The following CSMD2 variants were observed in gnomAD, a reference collection of about 807,000 sequenced individuals.
The protein encoded by CSMD2 is CUB and Sushi multiple domains 2, also known as CUB and sushi domain-containing protein 2.
In CSMD2, 130 loss-of-function variants were observed where a neutral mutation model predicts 398.5. The ratio of observed to expected loss-of-function variants is 0.33; its 90% CI spans 0.28 to 0.38. CSMD2 has a LOEUF of 0.38. Among genes scored for constraint, CSMD2 ranks in the 10% least tolerant of loss-of-function variants. The pLI is 1.00. For synonymous variants in CSMD2, 1,828 were observed against 1,908.5 expected (o/e 0.96, Z 1.10); for missense variants, 3,829 against 4,764.9 (o/e 0.80, Z 5.78).
intron 57 of CSMD2, among the ~76,000 whole-genome samples, chr1:33,544,831 T>TTATA (rs56072818): frequency 0.012 from 1,674 of 141,966 alleles, 26 homozygotes; most frequent in African/African-American, 0.032. Context: ...CACTGTGCAT[T>TTATA]TATATATATA....
chr1:34,049,392 CA>C (rs778189141), intron 2 of CSMD2, among the ~76,000 whole-genome samples: 5 of 152,158 alleles, frequency 3.3e-5, no homozygotes, highest in Non-Finnish European at 7.3e-5. Context: ...CTATGTTGCA[CA>C]TCTTTCAGGA....
chr1:33,693,159 C>T (rs1645300214), intron 24 of CSMD2, 103 bp from the exon 25 acceptor site: 4 of 1,335,256 alleles, frequency 3.0e-6, no homozygotes, highest in African/African-American at 3.0e-5. Context: ...CCTTCCCTCT[C>T]CCATTCATTT....
At position 33,973,740 on chromosome 1, in the gene CSMD2, AG is replaced by A. The variant is rs200267270; in HGVS notation, c.518-37787del. On this transcript the variant is annotated intron_variant, in intron 3 of 70. Transcript: ENST00000373381. ...ACAGGACTCCTACACGAGAAGGAAG[AG>A]CCCCCAGGGTGCCTGAGCAGGGACA... 4.2e-3 allele frequency among the ~76,000 whole-genome samples: 645 copies of A among 152,292 alleles called. 2 individuals are homozygous for A. Among genetic ancestry groups the A allele is most frequent in the Middle Eastern group, 0.027 (8 of 294 alleles).
At chr1:33,925,292 T>C (rs527974411) in intron 4 of CSMD2, among the ~76,000 whole-genome samples, 3 of 152,220 alleles carry the variant, frequency 2.0e-5, no homozygotes, top group Non-Finnish European at 2.9e-5. Flanking sequence ...CCCAGCACTA[T>C]TGAAGCAAGC....
At chr1:34,002,420 C>T (rs1646931475) in intron 3 of CSMD2, among the ~76,000 whole-genome samples, 1 of 152,192 alleles carries the variant, frequency 6.6e-6, no homozygotes, top group South Asian at 2.1e-4. Flanking sequence ...CTGGGTTCAA[C>T]ACTCCCCCAG....
At chr1:34,086,322 C>T (rs753300104) in intron 2 of CSMD2, among the ~76,000 whole-genome samples, 9 of 152,208 alleles carry the variant, frequency 5.9e-5, no homozygotes, top group South Asian at 2.1e-4. Flanking sequence ...TCCAGTCTTA[C>T]GTTTTAGGCA....
intron 6 of CSMD2, among the ~76,000 whole-genome samples, chr1:33,843,826 C>T (rs1661095662): frequency 1.3e-5 from 2 of 152,200 alleles, no homozygotes; most frequent in Non-Finnish European, 2.9e-5. Flanking sequence ...TACTATGGAT[C>T]CCTGTGGTCC....
chr1:34,146,268 T>C (rs1025220438), intron 1 of CSMD2, among the ~76,000 whole-genome samples: 2 of 152,194 alleles, frequency 1.3e-5, no homozygotes, highest in Admixed American at 6.5e-5. Flanking sequence ...TACTTTTCCC[T>C]TTGACCATTA....
intron 51 of CSMD2, among the ~76,000 whole-genome samples, chr1:33,570,166 C>CTTTTTT (rs5773416): frequency 0.11 from 12,927 of 116,584 alleles, 864 homozygotes; most frequent in East Asian, 0.18. Flanking sequence ...CGGACATTGG[C>CTTTTTT]TTTTTTTTTT....
At chr1:33,676,606 C>T (rs949097168) in intron 25 of CSMD2, among the ~76,000 whole-genome samples, 4 of 152,188 alleles carry the variant, frequency 2.6e-5, no homozygotes, top group African/African-American at 7.2e-5. Context: ...TTGGAAAAAA[C>T]TACTTTAAAG....
intron 25 of CSMD2, among the ~76,000 whole-genome samples, chr1:33,686,240 AAAAAC>A (rs578261419): frequency 6.6e-6 from 1 of 152,174 alleles, no homozygotes; most frequent in East Asian, 1.9e-4. Context: ...ACTGATTATT[AAAAAC>A]AAAACAAAAC....
At chr1:33,797,189 T>C (rs1655055818) in intron 10 of CSMD2, among the ~76,000 whole-genome samples, 1 of 152,242 alleles carries the variant, frequency 6.6e-6, no homozygotes, top group Non-Finnish European at 1.5e-5. Context: ...TCTTGTGACC[T>C]ACTCCCTGTT....
intron 10 of CSMD2, chr1:33,804,900 T>TGGATCAG: frequency 1.4e-6 from 1 of 717,290 alleles, no homozygotes; most frequent in Non-Finnish European, 2.6e-6. Context: ...TCCTCCCGCC[T>TGGATCAG]GGATCAGGAT....
At chr1:34,004,203 A>G (rs1205047006) in intron 3 of CSMD2, among the ~76,000 whole-genome samples, 1 of 152,244 alleles carries the variant, frequency 6.6e-6, no homozygotes, top group Non-Finnish European at 1.5e-5. Flanking sequence ...TTGTTGCCAC[A>G]TAAAAGAGAA....
In CSMD2 at chr1:34,164,942, G is replaced by A; in HGVS notation, c.156C>T (p.Gly52=). Residue 52 remains glycine (G), a synonymous_variant, in exon 1 of 71, where the codon GGC becomes GGT. Coordinates refer to ENST00000373381, the MANE Select transcript of CSMD2 (RefSeq NM_001281956.2). This position sits in a 1 kb window ranked among gnomAD's most constrained non-coding sequence, Gnocchi z 6.2. ...CGGCCGAGACGCTGAGCAACCCACA[G>A]CCCAGCAACAGCAGCAGAGGCGGCG... ...PTPPPLLLLL[G]CGLLSVSAAA... is the part of the protein sequence containing the mutation. The A allele has an allele frequency of 8.2e-7, 1 of 1,221,440 alleles. No individual in the cohort carries two copies. The highest frequency in any genetic ancestry group is 1.0e-6 in the Non-Finnish European group (1 of 981,422). 75.7% of individuals were successfully genotyped at this position (1,221,440 alleles called of 1,614,324 possible). A position where few individuals can be genotyped will look rare whatever the true frequency, so the allele number is the denominator to read the frequency against.
intron 3 of CSMD2, among the ~76,000 whole-genome samples, chr1:34,020,579 G>C (rs1244364767): frequency 6.6e-6 from 1 of 152,106 alleles, no homozygotes; most frequent in Non-Finnish European, 1.5e-5. Flanking sequence ...TAGGCGAGTG[G>C]GGCAGGCCTG....
chr1:33,521,417 T>TTC, intron 68 of CSMD2, 46 bp downstream of exon 68: 1 of 1,082,958 alleles, frequency 9.2e-7, no homozygotes. Context: ...ACGGTTTCTC[T>TTC]CCCACCCACC....
At position 33,716,219 on chromosome 1, in the gene CSMD2, T is replaced by C. The variant is rs1056444942; in HGVS notation, c.3217+67A>G. 1.2e-5 allele frequency: 16 copies of C among 1,324,292 alleles called. No individual in the cohort carries two copies. The African/African-American group carries it at 1.4e-4, about 12-fold the overall frequency. 82.0% of individuals were successfully genotyped at this position (1,324,292 alleles called of 1,614,324 possible). ...TCTATCTGCTAGGAAAACCAGAGAC[T>C]GGTAGCAGAAGGAGAGAGCAAATAG... On this transcript the variant is annotated intron_variant, in intron 20 of 70. Transcript: ENST00000373381.
chr1:33,798,954 T>C (rs1353512271), intron 10 of CSMD2, among the ~76,000 whole-genome samples: 1 of 152,238 alleles, frequency 6.6e-6, no homozygotes, highest in African/African-American at 2.4e-5. Context: ...TGTGGGAAGC[T>C]AGAGTCCCGG....
Sources: allele counts gnomAD v4.1 joint callset (sites outside exome capture counted in the v4.1 genomes callset), GRCh38; gene constraint gnomAD v4.1.1; non-coding constraint Gnocchi (gnomAD v3.1); transcripts MANE v1.5; gene names NCBI Gene and HGNC (gene_info 2026-07-23, HGNC 2026-07-21).